The following CAPN9 variants were observed in gnomAD, a reference collection of about 807,000 sequenced individuals.
CAPN9 encodes calpain 9.
A neutral mutation model predicts 92.8 loss-of-function variants in CAPN9; 81 were observed. That is an observed-to-expected ratio of 0.87 (90% CI 0.73 to 1.05). CAPN9 has a LOEUF of 1.05. Among genes scored for constraint, CAPN9 ranks in the 50% least tolerant of loss-of-function variants. The probability of loss-of-function intolerance (pLI) is 0.00; values close to 1 mark genes in which losing one functional copy is unlikely to be tolerated. For missense variants in CAPN9, 848 were observed against 866.2 expected (o/e 0.98, Z 0.26); for synonymous variants, 304 against 328.0 (o/e 0.93, Z 0.79).
intron 1 of CAPN9, among the ~76,000 whole-genome samples, chr1:230,749,459 G>A (rs575282066): frequency 3.9e-5 from 6 of 152,330 alleles, no homozygotes; most frequent in African/African-American, 9.6e-5. Flanking sequence ...ACAAATGGGC[G>A]CGTGGGCAGC....
chr1:230,760,968 A>G (rs1665594729), intron 3 of CAPN9, among the ~76,000 whole-genome samples: 1 of 152,180 alleles, frequency 6.6e-6, no homozygotes, highest in African/African-American at 2.4e-5. Context: ...CACAGCTGGG[A>G]GGAGCCTTGG....
chr1:230,774,257 G>A (rs900436388), intron 7 of CAPN9, among the ~76,000 whole-genome samples: 1 of 152,228 alleles, frequency 6.6e-6, no homozygotes, highest in East Asian at 1.9e-4. Context: ...GCTACCCCAC[G>A]GGCATGCAAT....
intron 13 of CAPN9, among the ~76,000 whole-genome samples, chr1:230,789,816 C>T (rs1161048536): frequency 1.3e-5 from 2 of 152,160 alleles, no homozygotes; most frequent in African/African-American, 4.8e-5. Flanking sequence ...TAGGACAATT[C>T]CAGGAGTTGG....
At position 230,780,274 on chromosome 1, in the gene CAPN9, G is replaced by T. The variant is rs749058390; in HGVS notation, c.1210G>T (p.Asp404Tyr). 11 of 1,614,178 alleles carry T rather than the reference G, an allele frequency of 6.8e-6. No individual in the cohort carries two copies. The highest frequency in any genetic ancestry group is 1.7e-4 in the Middle Eastern group (1 of 6,060). The change falls in exon 10 of 20, where the codon GAT (aspartate) becomes TAT (tyrosine). Residue 404 changes from aspartate (D) to tyrosine (Y), a missense_variant. Physicochemically the swap from Asp to Tyr is radical, Grantham distance 160. Transcript: ENST00000271971. ...CSFLVALMQK[D>Y]RRKLKRFGAN... Reference sequence around the variant, plus strand: ...TTTCCTTGTAGCCCTGATGCAGAAAGATAGAAGGAAACTCAAGAGATTTGG... The same window carrying T: ...TTTCCTTGTAGCCCTGATGCAGAAATATAGAAGGAAACTCAAGAGATTTGG...
intron 18 of CAPN9, 26 bp downstream of exon 18, chr1:230,795,305 G>A (rs771723354): frequency 2.8e-6 from 4 of 1,435,876 alleles, no homozygotes; most frequent in Non-Finnish European, 3.9e-6. Context: ...GGCTGAGGGT[G>A]CACCTCGGGG....
intron 4 of CAPN9, 124 bp downstream of exon 4, chr1:230,762,910 G>A (rs890924238): frequency 2.0e-6 from 2 of 1,020,042 alleles, no homozygotes; most frequent in African/African-American, 3.3e-5. Flanking sequence ...GGCTCGGCAG[G>A]ACCCAACCCT....
rs752017982 is a variant in CAPN9, at chr1:230,790,140, G to A, written c.1608G>A (p.Glu536=). 6 of 1,613,540 alleles carry A rather than the reference G, an allele frequency of 3.7e-6. No homozygotes were observed. The highest frequency in any genetic ancestry group is 2.2e-5 in the South Asian group (2 of 91,068). ...LFEQVAGEDM[E]VTAEELEYVL... is the part of the protein sequence containing the mutation. ...TGTCTCCACTTCAACAGGACATGGA[G>A]GTGACAGCAGAGGAACTTGAGTATG... The change falls in exon 14 of 20, where the codon GAG becomes GAA. Residue 536 remains glutamate, a synonymous_variant. Transcript: ENST00000271971.
At chr1:230,787,203 AG>A (rs1469699725) in intron 12 of CAPN9, among the ~76,000 whole-genome samples, 1 of 152,230 alleles carries the variant, frequency 6.6e-6, no homozygotes, top group Admixed American at 6.5e-5. Flanking sequence ...GGTGGTAAGA[AG>A]TAAGCCAGAG....
intron 1 of CAPN9, among the ~76,000 whole-genome samples, chr1:230,751,023 C>A (rs1659378170): frequency 1.3e-5 from 2 of 152,198 alleles, no homozygotes; most frequent in Non-Finnish European, 2.9e-5. Flanking sequence ...GCAGTCCATC[C>A]CTCCTTGTCT....
At chr1:230,777,199 G>A (rs1157655837) in intron 8 of CAPN9, among the ~76,000 whole-genome samples, 1 of 152,180 alleles carries the variant, frequency 6.6e-6, no homozygotes, top group Non-Finnish European at 1.5e-5. Context: ...AAGGTCTGGT[G>A]CAGACGGTGG....
intron 13 of CAPN9, among the ~76,000 whole-genome samples, chr1:230,789,321 TAATC>T (rs1323693167): frequency 2.0e-5 from 3 of 151,720 alleles, no homozygotes; most frequent in Admixed American, 6.6e-5. Flanking sequence ...TCTGCAAAAA[TAATC>T]AGCCCAGCAT....
intron 12 of CAPN9, 196 bp downstream of exon 12, chr1:230,786,213 T>C (rs1667571093): frequency 1.0e-6 from 1 of 981,528 alleles, no homozygotes; most frequent in Non-Finnish European, 1.2e-6. Context: ...CACAAGGACC[T>C]GGCATGGGAG....
rs138901264 is a variant in CAPN9 at position 230,772,061 on chromosome 1, T to C, written c.837T>C (p.Pro279=). ...TCGAGCTCATCCGAATCCGGAACCC[T>C]TGGGGCCAGGTTGAGTGGAACGGGT... ...QRIELIRIRN[P]WGQVEWNGSW... Residue 279 remains proline, a synonymous_variant, in exon 7 of 20, where the codon CCT becomes CCC. Transcript: ENST00000271971. 26 of 1,614,268 alleles carry C rather than the reference T, an allele frequency of 1.6e-5. No homozygotes were observed. Among genetic ancestry groups the C allele is most frequent in the East Asian group, 2.2e-5 (1 of 44,888 alleles).
intron 19 of CAPN9, among the ~76,000 whole-genome samples, chr1:230,799,960 C>T (rs1309598223): frequency 1.3e-5 from 2 of 151,752 alleles, no homozygotes; most frequent in South Asian, 2.1e-4. Context: ...GGGTGAATCA[C>T]GAGGTCAGGA....
chr1:230,754,676 G>T (rs906778117), intron 1 of CAPN9, among the ~76,000 whole-genome samples: 1 of 151,778 alleles, frequency 6.6e-6, no homozygotes, highest in Non-Finnish European at 1.5e-5. Flanking sequence ...GTGGCTGGGC[G>T]TGGTGACTCA....
chr1:230,795,126 TACA>T (rs750848244), intron 17 of CAPN9, 34 bp from the exon 18 acceptor site: 1 of 1,350,212 alleles, frequency 7.4e-7, no homozygotes, highest in South Asian at 1.2e-5. Context: ...GGGGCTCGGA[TACA>T]GCGAGTCCTG....
intron 8 of CAPN9, 57 bp downstream of exon 8, chr1:230,774,688 G>A: frequency 8.8e-7 from 1 of 1,132,508 alleles, no homozygotes. Flanking sequence ...TGGCCCTGGG[G>A]CGTAAGGAGC....
At chr1:230,777,649 C>G (rs1017825883) in intron 8 of CAPN9, among the ~76,000 whole-genome samples, 6 of 152,122 alleles carry the variant, frequency 3.9e-5, no homozygotes, top group African/African-American at 1.2e-4. Context: ...CTTACTCTCT[C>G]GACTCCACTC....
intron 4 of CAPN9, among the ~76,000 whole-genome samples, chr1:230,766,064 C>T (rs1280455535): frequency 2.0e-5 from 3 of 151,104 alleles, no homozygotes; most frequent in Non-Finnish European, 4.4e-5. Context: ...GTCTTCCTTC[C>T]ACTAACCAAT....
Sources: allele counts gnomAD v4.1 joint callset (sites outside exome capture counted in the v4.1 genomes callset), GRCh38; gene constraint gnomAD v4.1.1; transcripts MANE v1.5; gene names NCBI Gene and HGNC (gene_info 2026-07-23, HGNC 2026-07-21).